The following PRKCA variants were observed in gnomAD, a reference collection of about 807,000 sequenced individuals.
PRKCA encodes protein kinase C alpha type.
Under a neutral mutation model 87.0 loss-of-function variants are expected in PRKCA, and 27 were observed. The observed-to-expected ratio is 0.31, with a 90% CI of 0.23 to 0.43. The LOEUF is 0.43. PRKCA is among the 20% of genes least tolerant of loss of function. The pLI, the probability that PRKCA is intolerant of heterozygous loss-of-function variation, is 1.00. For missense variants in PRKCA, 518 were observed against 852.3 expected, an observed-to-expected ratio of 0.61 and a Z score of 4.88; for synonymous variants, 329 against 311.1, an observed-to-expected ratio of 1.06 and a Z score of -0.61.
At chr17:66,447,142 T>C (rs1415113212) in intron 2 of PRKCA, among the ~76,000 whole-genome samples, 1 of 152,170 alleles carries the variant, frequency 6.6e-6, no homozygotes, top group African/African-American at 2.4e-5. Context: ...AGGACCAGCT[T>C]TCTGAGAATG....
intron 13 of PRKCA, 80 bp from the exon 14 acceptor site, chr17:66,773,907 C>A: frequency 6.3e-7 from 1 of 1,594,914 alleles, no homozygotes. Context: ...TGTATAAATG[C>A]CTACCTGCTT....
chr17:66,639,458 G>C (rs573490711), intron 3 of PRKCA: 22 of 152,300 alleles, frequency 1.4e-4, no homozygotes, highest in African/African-American at 4.8e-4. Flanking sequence ...CATAATCTCA[G>C]CTCACTGCAA....
chr17:66,550,652 A>G (rs1968297607), intron 3 of PRKCA, among the ~76,000 whole-genome samples: 1 of 152,064 alleles, frequency 6.6e-6, no homozygotes, highest in East Asian at 1.9e-4. Context: ...CTGTCTCAAA[A>G]TCAATCAATC....
intron 3 of PRKCA, among the ~76,000 whole-genome samples, chr17:66,574,715 C>A (rs1555621437): frequency 6.9e-6 from 1 of 144,806 alleles, no homozygotes; most frequent in Non-Finnish European, 1.5e-5. Flanking sequence ...AACAGATATT[C>A]CAAAATCAAA....
intron 2 of PRKCA, among the ~76,000 whole-genome samples, chr17:66,325,677 G>C (rs899188500): frequency 6.6e-6 from 1 of 152,172 alleles, no homozygotes; most frequent in African/African-American, 2.4e-5. Flanking sequence ...TTTGAGAACA[G>C]GGTGTAGAGA....
intron 2 of PRKCA, among the ~76,000 whole-genome samples, chr17:66,459,569 C>G (rs1326913566): frequency 2.0e-5 from 3 of 152,186 alleles, no homozygotes; most frequent in Admixed American, 2.0e-4. Context: ...ACACCTTGCT[C>G]TCTAAAAGTG....
At position 66,768,834 on chromosome 17, in the gene PRKCA, G is replaced by C. The variant is rs182091544; in HGVS notation, c.1525-5153G>C. On this transcript the variant is annotated intron_variant, in intron 13 of 16. Coordinates refer to ENST00000413366, the MANE Select transcript of PRKCA (RefSeq NM_002737.3). Reference sequence around the variant, plus strand: ...TGAGATGAGATTTGGGTGGGGACACGATATGGTTTATGGACACAAACCATA... The same window carrying C: ...TGAGATGAGATTTGGGTGGGGACACCATATGGTTTATGGACACAAACCATA... Among the ~76,000 whole-genome samples, 5 of 152,292 alleles carry C rather than the reference G, an allele frequency of 3.3e-5. No individual in the cohort carries two copies. The East Asian group carries it at 9.7e-4, about 29-fold the overall frequency.
At chr17:66,553,313 T>C (rs1169645621) in intron 3 of PRKCA, among the ~76,000 whole-genome samples, 1 of 152,160 alleles carries the variant, frequency 6.6e-6, no homozygotes, top group Non-Finnish European at 1.5e-5. Context: ...GTGACTCCCC[T>C]ATGCTCAAAT....
At chr17:66,538,445 A>G (rs2056072) in intron 3 of PRKCA, among the ~76,000 whole-genome samples, 91,227 of 152,026 alleles carry the variant, frequency 0.6, 28,256 homozygotes, top group African/African-American at 0.76. Flanking sequence ...GGGTGTTAGG[A>G]GGCTGTTGCG....
At chr17:66,613,779 C>CTTTTTTTTTTTTT (rs57610655) in intron 3 of PRKCA, among the ~76,000 whole-genome samples, 1 of 69,386 alleles carries the variant, frequency 1.4e-5, no homozygotes, top group African/African-American at 6.1e-5. Context: ...TGACTTCATC[C>CTTTTTTTTTTTTT]TTTTTTTTTT....
intron 8 of PRKCA, among the ~76,000 whole-genome samples, chr17:66,699,512 G>A (rs2144085739): frequency 6.6e-6 from 1 of 152,210 alleles, no homozygotes; most frequent in East Asian, 1.9e-4. Flanking sequence ...CCAATAATGA[G>A]TAAGGAGGTG....
intron 2 of PRKCA, among the ~76,000 whole-genome samples, chr17:66,313,465 A>C (rs915273185): frequency 1.3e-5 from 2 of 152,236 alleles, no homozygotes; most frequent in African/African-American, 4.8e-5. Flanking sequence ...TGCAGAAATA[A>C]ACCACTTAAT....
intron 2 of PRKCA, among the ~76,000 whole-genome samples, chr17:66,317,615 C>T (rs1452750728): frequency 6.6e-6 from 1 of 150,800 alleles, no homozygotes; most frequent in African/African-American, 2.4e-5. Flanking sequence ...TTTTTCTCAA[C>T]TTATCTCTTC....
rs1015245827 is a variant in PRKCA, at chr17:66,803,544, G to A, written c.1855-329G>A. 3.9e-5 allele frequency among the ~76,000 whole-genome samples: 6 copies of A among 152,212 alleles called. No individual in the cohort carries two copies. Among genetic ancestry groups the A allele is most frequent in the Non-Finnish European group, 5.9e-5 (4 of 68,040 alleles). On this transcript the variant is annotated intron_variant, in intron 16 of 16. Transcript: ENST00000413366. The surrounding 1 kb of genome is among the most constrained non-coding windows in gnomAD (Gnocchi z 4.4). ...AGCTGTGACTGACGGCCCTGCGTGC[G>A]TGGCTTCCGTGCTCTCAGCTCCGCT... is the stretch of plus-strand genomic sequence containing the variant.
chr17:66,473,811 G>A (rs1451476373), intron 2 of PRKCA, among the ~76,000 whole-genome samples: 1 of 152,108 alleles, frequency 6.6e-6, no homozygotes, highest in South Asian at 2.1e-4. Context: ...GCACATGCCT[G>A]TAATCCTAGC....
chr17:66,375,894 G>C (rs1909389997), intron 2 of PRKCA, among the ~76,000 whole-genome samples: 1 of 152,106 alleles, frequency 6.6e-6, no homozygotes, highest in African/African-American at 2.4e-5. Context: ...ACTGTGAAGG[G>C]GGATATTGCT....
chr17:66,721,391 GTC>G (rs1973611243), intron 8 of PRKCA, among the ~76,000 whole-genome samples: 1 of 110,384 alleles, frequency 9.1e-6, no homozygotes, highest in African/African-American at 4.6e-5. Context: ...GCAAGATTCC[GTC>G]TCAAAAAAAA....
intron 3 of PRKCA, among the ~76,000 whole-genome samples, chr17:66,568,437 G>C (rs560446208): frequency 6.6e-6 from 1 of 152,098 alleles, no homozygotes; most frequent in African/African-American, 2.4e-5. Context: ...GGAGTAATTC[G>C]TGGTTTAGGA....
chr17:66,378,524 TTCTCCCTCTCTGTAGCCCCTGGCAA>T (rs1909603943), intron 2 of PRKCA, among the ~76,000 whole-genome samples: 1 of 152,208 alleles, frequency 6.6e-6, no homozygotes, highest in Admixed American at 6.5e-5. Flanking sequence ...TCACTGTCTA[TTCTCCCTCTCTGTAGCCCCTGGCAA>T]CCATGAATCT....
Sources: allele counts gnomAD v4.1 joint callset (sites outside exome capture counted in the v4.1 genomes callset), GRCh38; gene constraint gnomAD v4.1.1; non-coding constraint Gnocchi (gnomAD v3.1); transcripts MANE v1.5; gene names NCBI Gene and HGNC (gene_info 2026-07-23, HGNC 2026-07-21).